ZNF254: variants seen among roughly 807,000 people sequenced by gnomAD.
The protein encoded by ZNF254 is CTD-2017D11.1.
ZNF254 carries 10 observed loss-of-function variants against 12.4 expected under a neutral mutation model. The observed-to-expected ratio is 0.80, with a 90% CI of 0.50 to 1.36. ZNF254 has a LOEUF of 1.36. ZNF254 is among the 40% of genes most tolerant of loss of function. ZNF254 has a pLI of 0.00. For missense variants in ZNF254, 996 were observed against 763.9 expected (o/e 1.30, Z -3.58); for synonymous variants, 305 against 253.4 (o/e 1.20, Z -1.93).
intron 1 of ZNF254, among the ~76,000 whole-genome samples, chr19:24,035,214 C>T (rs1241549537): frequency 2.0e-5 from 3 of 149,280 alleles, no homozygotes; most frequent in Non-Finnish European, 3.0e-5. Flanking sequence ...CCTAGGCAGG[C>T]GGGCACTGGC....
At chr19:24,042,312 C>G (rs142513035) in intron 1 of ZNF254, among the ~76,000 whole-genome samples, 2 of 152,164 alleles carry the variant, frequency 1.3e-5, no homozygotes, top group South Asian at 2.1e-4. Flanking sequence ...ACAGGCCACT[C>G]GGCTCTACCA....
In ZNF254 at chr19:24,126,994, A is replaced by G. The variant is rs543234814; in HGVS notation, c.994A>G (p.Ile332Val). 5.4e-5 allele frequency: 87 copies of G among 1,613,790 alleles called. 1 individual carries two copies. In the South Asian group the frequency reaches 8.8e-4, roughly 16 times the overall value. Residue 332 changes from isoleucine (I) to valine (V), a missense_variant, in exon 4 of 4, where the codon ATA becomes GTA. Physicochemically the swap from Ile to Val is conservative, Grantham distance 29. Coordinates refer to ENST00000357002, the MANE Select transcript of ZNF254 (RefSeq NM_203282.4). Reference sequence around the variant, plus strand: ...GTGTGAAGAATGTGGCAAAGCATTTATATGGTCCTCAACACTAACTAGACA... The same window carrying G: ...GTGTGAAGAATGTGGCAAAGCATTTGTATGGTCCTCAACACTAACTAGACA... ...YKCEECGKAF[I>V]WSSTLTRHKR... is the part of the protein sequence containing the mutation.
chr19:24,066,057 G>A (rs1227992278), intron 2 of ZNF254: 1 of 151,810 alleles, frequency 6.6e-6, no homozygotes, highest in Non-Finnish European at 1.5e-5. Flanking sequence ...GTGACATATT[G>A]CTGAACTCAA....
chr19:24,081,915 G>A (rs1971857496), intron 2 of ZNF254, among the ~76,000 whole-genome samples: 1 of 152,174 alleles, frequency 6.6e-6, no homozygotes, highest in South Asian at 2.1e-4. Context: ...CTGAGGTCAG[G>A]AGTTCGAGAC....
intron 2 of ZNF254, among the ~76,000 whole-genome samples, chr19:24,073,262 A>C (rs928436023): frequency 6.6e-6 from 1 of 152,166 alleles, no homozygotes; most frequent in African/African-American, 2.4e-5. Context: ...CACAGTAAAA[A>C]TTCTGTTACA....
At chr19:24,123,796 C>T (rs976438375) in intron 3 of ZNF254, among the ~76,000 whole-genome samples, 1 of 151,988 alleles carries the variant, frequency 6.6e-6, no homozygotes, top group African/African-American at 2.4e-5. Flanking sequence ...TTGACTGTTT[C>T]TGCTCTCATT....
chr19:24,059,441 G>C (rs909741017), intron 2 of ZNF254, among the ~76,000 whole-genome samples: 1 of 152,092 alleles, frequency 6.6e-6, no homozygotes, highest in Non-Finnish European at 1.5e-5. Flanking sequence ...CCTAAGTTAT[G>C]TTACTCTGCT....
At chr19:24,096,497 T>G (rs1290019463) in intron 1 of ZNF254, among the ~76,000 whole-genome samples, 1 of 152,242 alleles carries the variant, frequency 6.6e-6, no homozygotes, top group African/African-American at 2.4e-5. Flanking sequence ...TTGAACTATA[T>G]TTCTGTTCAG....
chr19:24,039,550 A>G (rs1025476443), intron 1 of ZNF254, among the ~76,000 whole-genome samples: 1 of 152,074 alleles, frequency 6.6e-6, no homozygotes, highest in Non-Finnish European at 1.5e-5. Context: ...TCAGCCTCCC[A>G]AGTAGCTGGG....
intron 3 of ZNF254, among the ~76,000 whole-genome samples, chr19:24,115,215 C>A (rs1475362610): frequency 1.3e-5 from 2 of 151,884 alleles, no homozygotes; most frequent in Non-Finnish European, 2.9e-5. Flanking sequence ...GCTATAAAGA[C>A]ACATGCACAA....
At chr19:24,071,884 G>T (rs1039993971) in intron 2 of ZNF254, among the ~76,000 whole-genome samples, 1 of 152,138 alleles carries the variant, frequency 6.6e-6, no homozygotes, top group Non-Finnish European at 1.5e-5. Context: ...GCTCATGCAG[G>T]AGAGTCACAT....
intron 1 of ZNF254, among the ~76,000 whole-genome samples, chr19:24,102,221 CAA>C (rs1271238564): frequency 7.5e-6 from 1 of 133,730 alleles, no homozygotes; most frequent in South Asian, 2.5e-4. Flanking sequence ...TATTAATAAA[CAA>C]AATTTGTTTT....
At chr19:24,037,585 T>C (rs1360751494) in intron 1 of ZNF254, among the ~76,000 whole-genome samples, 1 of 151,910 alleles carries the variant, frequency 6.6e-6, no homozygotes, top group Non-Finnish European at 1.5e-5. Context: ...AGGCGTGCAC[T>C]ACAATGCCCG....
chr19:24,049,214 A>AT (rs66491625), intron 2 of ZNF254, among the ~76,000 whole-genome samples: 2,318 of 40,810 alleles, frequency 0.057, 100 homozygotes, highest in Non-Finnish European at 0.077. Context: ...ATATATATAT[A>AT]TTTTTTTTTT....
rs1975030476 is a variant in ZNF254, at chr19:24,128,165, T to C, written c.*185T>C. On this transcript the variant is annotated 3_prime_UTR_variant, in exon 4 of 4. Transcript: ENST00000357002. ...ATGTGAAAAAGCCTTTAAATGATTG[T>C]CACACTTGATTGTAGGTAAGATAAT... 3 of 591,324 alleles carry C rather than the reference T, an allele frequency of 5.1e-6. No homozygotes were observed. The highest frequency in any genetic ancestry group is 7.9e-6 in the Non-Finnish European group (3 of 379,216). 36.6% of individuals were successfully genotyped at this position (591,324 alleles called of 1,614,324 possible). A position where few individuals can be genotyped will look rare whatever the true frequency, so the allele number is the denominator to read the frequency against.
rs2198984 is a variant in ZNF254 at position 24,107,312 on chromosome 19, A to G, written c.253+669A>G. The G allele has an allele frequency of 6.3e-3, 3,304 of 521,544 alleles. 86 individuals carry two copies. The highest frequency in any genetic ancestry group is 0.058 in the African/African-American group (2,886 of 49,988). 32.3% of individuals were successfully genotyped at this position (521,544 alleles called of 1,614,324 possible). Reference sequence around the variant, plus strand: ...CTTTGGATAATATGGCAGTTTCATAATACTTATTCTTTCAATAGAAATAAA... The same window carrying G: ...CTTTGGATAATATGGCAGTTTCATAGTACTTATTCTTTCAATAGAAATAAA... On this transcript the variant is annotated intron_variant, in intron 3 of 3. Coordinates refer to ENST00000357002, the MANE Select transcript of ZNF254 (RefSeq NM_203282.4).
chr19:24,110,464 G>T (rs1431353330), intron 3 of ZNF254, among the ~76,000 whole-genome samples: 1 of 151,920 alleles, frequency 6.6e-6, no homozygotes, highest in East Asian at 1.9e-4. Context: ...CTACTTGAGA[G>T]ACTGAGGGGC....
intron 2 of ZNF254, among the ~76,000 whole-genome samples, chr19:24,069,061 CAG>C (rs1971385437): frequency 6.6e-6 from 1 of 152,000 alleles, no homozygotes; most frequent in African/African-American, 2.4e-5. Context: ...GGCTAAAGTG[CAG>C]TGGCATGATC....
chr19:24,115,324 A>T (rs757149173), intron 3 of ZNF254, among the ~76,000 whole-genome samples: 1 of 152,146 alleles, frequency 6.6e-6, no homozygotes, highest in Non-Finnish European at 1.5e-5. Flanking sequence ...GCACATATAC[A>T]CCATGGAATA....
Sources: gnomAD v4.1 joint callset for allele counts (sites outside exome capture counted in the v4.1 genomes callset) on GRCh38, gnomAD v4.1.1 for gene constraint, MANE v1.5 for transcripts, NCBI Gene and HGNC (gene_info 2026-07-23, HGNC 2026-07-21) for gene names.